TTLL5: variants seen among roughly 807,000 people sequenced by gnomAD.
TTLL5 encodes tubulin tyrosine ligase like 5, also known as tubulin polyglutamylase TTLL5.
Under a neutral mutation model 168.4 loss-of-function variants are expected in TTLL5, and 132 were observed. The ratio of observed to expected loss-of-function variants is 0.78; its 90% CI spans 0.68 to 0.91. The LOEUF (loss-of-function observed/expected upper bound fraction) is 0.91, where lower values mean the gene tolerates loss of function less well. Among genes scored for constraint, TTLL5 ranks in the 40% least tolerant of loss-of-function variants. The pLI, the probability that TTLL5 is intolerant of heterozygous loss-of-function variation, is 0.00. For synonymous variants in TTLL5, 546 were observed against 558.6 expected (o/e 0.98, Z 0.32); for missense variants, 1,545 against 1,581.5 (o/e 0.98, Z 0.39).
At chr14:75,705,460 A>G (rs1045192121) in intron 7 of TTLL5, among the ~76,000 whole-genome samples, 1 of 152,230 alleles carries the variant, frequency 6.6e-6, no homozygotes, top group Admixed American at 6.5e-5. Flanking sequence ...TATTGGGAAG[A>G]GGTAAGAATA....
At chr14:75,904,535 G>T (rs887642049) in intron 31 of TTLL5, among the ~76,000 whole-genome samples, 1 of 152,166 alleles carries the variant, frequency 6.6e-6, no homozygotes, top group Non-Finnish European at 1.5e-5. Flanking sequence ...GGTCATACTT[G>T]CAGCATCTTG....
chr14:75,943,366 A>C (rs1471420609), intron 31 of TTLL5, among the ~76,000 whole-genome samples: 2 of 152,186 alleles, frequency 1.3e-5, no homozygotes, highest in Non-Finnish European at 2.9e-5. Context: ...TCAACTAGAA[A>C]TAAGCCCTCC....
At chr14:75,780,096 TTA>T (rs1891957859) in intron 24 of TTLL5, among the ~76,000 whole-genome samples, 1 of 152,170 alleles carries the variant, frequency 6.6e-6, no homozygotes, top group African/African-American at 2.4e-5. Context: ...TTGCCCAAGG[TTA>T]TTCTTTATCG....
chr14:75,800,673 G>T (rs1347315217), intron 27 of TTLL5, among the ~76,000 whole-genome samples: 2 of 152,142 alleles, frequency 1.3e-5, no homozygotes, highest in African/African-American at 4.8e-5. Flanking sequence ...TTGATGTGGT[G>T]TTCTCTTCTT....
At chr14:75,802,085 C>G (rs1256252981) in intron 27 of TTLL5, among the ~76,000 whole-genome samples, 2 of 151,992 alleles carry the variant, frequency 1.3e-5, no homozygotes, top group Non-Finnish European at 2.9e-5. Context: ...TTTCCCTTTT[C>G]TAATAGGTTT....
chr14:75,734,445 A>G (rs112232780), intron 14 of TTLL5, among the ~76,000 whole-genome samples: 3 of 152,346 alleles, frequency 2.0e-5, no homozygotes, highest in African/African-American at 7.2e-5. Context: ...TTATAACCAA[A>G]GCAGCCCAAA....
At chr14:75,824,113 T>C (rs1299316589) in intron 28 of TTLL5, among the ~76,000 whole-genome samples, 1 of 152,208 alleles carries the variant, frequency 6.6e-6, no homozygotes, top group Non-Finnish European at 1.5e-5. Context: ...ATATGTCTTA[T>C]GCATTTTCTA....
At chr14:75,751,591 A>G (rs1889956035) in intron 17 of TTLL5, among the ~76,000 whole-genome samples, 1 of 152,174 alleles carries the variant, frequency 6.6e-6, no homozygotes. Flanking sequence ...AAATTTATGA[A>G]TTATCTCTGG....
At chr14:75,932,410 A>G (rs1007219023) in intron 31 of TTLL5, among the ~76,000 whole-genome samples, 3 of 152,238 alleles carry the variant, frequency 2.0e-5, no homozygotes, top group African/African-American at 4.8e-5. Flanking sequence ...GTAGCAAACT[A>G]GGGTGTATAT....
intron 2 of TTLL5, 46 bp downstream of exon 2, chr14:75,663,269 C>A: frequency 4.6e-6 from 7 of 1,521,736 alleles, no homozygotes; most frequent in Non-Finnish European, 6.3e-6. Context: ...TGTACTCTTT[C>A]ACTTATATAC....
intron 9 of TTLL5, 60 bp downstream of exon 9, chr14:75,707,767 G>A (rs1469971327): frequency 2.8e-5 from 38 of 1,343,214 alleles, no homozygotes; most frequent in Non-Finnish European, 3.7e-5. Context: ...GGTATATTAA[G>A]AGTGGATCCA....
chr14:75,757,796 A>G (rs1464146724), intron 18 of TTLL5: 2 of 1,573,582 alleles, frequency 1.3e-6, no homozygotes, highest in South Asian at 1.2e-5. Flanking sequence ...CCTGAATAGC[A>G]TTCTCTAACC....
chr14:75,685,674 C>T (rs1463220010), intron 5 of TTLL5, among the ~76,000 whole-genome samples: 1 of 152,132 alleles, frequency 6.6e-6, no homozygotes, highest in Non-Finnish European at 1.5e-5. Context: ...AATATGCATT[C>T]TCAGGTCCCA....
Position 75,779,699 on chromosome 14 carries a change from G to T in TTLL5, c.2512G>T (p.Gly838Cys). The T allele has an allele frequency of 6.2e-7, 1 of 1,610,824 alleles. No individual in the cohort carries two copies. Among genetic ancestry groups the T allele is most frequent in the Non-Finnish European group, 8.5e-7 (1 of 1,179,070 alleles). ...CAATTATTCTGATAGTGGGGCAAAAGGTGGTAAGTATACTGGTTAATGAAC... is the reference window on the plus strand; with the variant it reads ...CAATTATTCTGATAGTGGGGCAAAATGTGGTAAGTATACTGGTTAATGAAC... ...NNNYSDSGAKGDHPETIMEEV... is the reference protein window; with the variant it reads ...NNNYSDSGAKCDHPETIMEEV... Residue 838 changes from glycine to cysteine, a missense_variant, in exon 24 of 32, where the codon GGT (glycine) becomes TGT (cysteine). Coordinates refer to ENST00000298832, the MANE Select transcript of TTLL5 (RefSeq NM_015072.5).
chr14:75,718,027 G>A (rs1294514133), intron 10 of TTLL5, 65 bp downstream of exon 10: 2 of 1,459,142 alleles, frequency 1.4e-6, no homozygotes, highest in Admixed American at 3.4e-5. Context: ...TGTAGAGGTG[G>A]AAAGGTAACA....
intron 25 of TTLL5, among the ~76,000 whole-genome samples, 188 bp from the exon 26 acceptor site, chr14:75,782,959 G>A (rs1566602248): frequency 6.6e-6 from 1 of 152,238 alleles, no homozygotes; most frequent in East Asian, 1.9e-4. Flanking sequence ...TATTTCTGTT[G>A]CCAGGTTGTT....
At chr14:75,773,927 T>TAGAGAGAGAGAGAGAG (rs1266575647) in intron 21 of TTLL5, among the ~76,000 whole-genome samples, 2 of 21,122 alleles carry the variant, frequency 9.5e-5, no homozygotes, top group African/African-American at 2.9e-4. Flanking sequence ...TATATATATA[T>TAGAGAGAGAGAGAGAG]AGAGAGAGAG....
intron 31 of TTLL5, among the ~76,000 whole-genome samples, chr14:75,912,270 C>T (rs2033424486): frequency 6.6e-6 from 1 of 152,160 alleles, no homozygotes; most frequent in African/African-American, 2.4e-5. Context: ...GCAGAGCTCT[C>T]TCTCCCAGGC....
At chr14:75,693,322 C>G (rs1035987906) in intron 6 of TTLL5, among the ~76,000 whole-genome samples, 1 of 152,064 alleles carries the variant, frequency 6.6e-6, no homozygotes, top group Non-Finnish European at 1.5e-5. Context: ...CTCTGCAGGG[C>G]CTTTGAAAGA....
Sources: gnomAD v4.1 joint callset for allele counts (sites outside exome capture counted in the v4.1 genomes callset) on GRCh38, gnomAD v4.1.1 for gene constraint, MANE v1.5 for transcripts, NCBI Gene and HGNC (gene_info 2026-07-23, HGNC 2026-07-21) for gene names.